Variants in RAB3GAP1 observed in about 807,000 individuals in gnomAD.
RAB3GAP1 encodes RAB3 GTPase activating protein catalytic subunit 1.
Under a neutral mutation model 130.7 loss-of-function variants are expected in RAB3GAP1, and 86 were observed. The ratio of observed to expected loss-of-function variants is 0.66; its 90% CI spans 0.55 to 0.79. The LOEUF is 0.79. Ranked by LOEUF, RAB3GAP1 falls within the 30% of genes least tolerant of loss-of-function variation. The pLI, the probability that RAB3GAP1 is intolerant of heterozygous loss-of-function variation, is 0.00. For synonymous variants in RAB3GAP1, 367 were observed against 401.7 expected (o/e 0.91, Z 1.03); for missense variants, 1,029 against 1,169.4 (o/e 0.88, Z 1.75).
intron 23 of RAB3GAP1, chr2:135,167,726 C>T (rs1354734992): frequency 2.7e-6 from 4 of 1,475,162 alleles, no homozygotes; most frequent in Non-Finnish European, 3.7e-6. Flanking sequence ...AACAAAATAG[C>T]CTTTGCCCCT....
chr2:135,154,500 C>T (rs1692257090), intron 19 of RAB3GAP1, among the ~76,000 whole-genome samples: 1 of 150,904 alleles, frequency 6.6e-6, no homozygotes, highest in Admixed American at 6.6e-5. Flanking sequence ...TTGCAATGAC[C>T]TTCAAATTAA....
intron 16 of RAB3GAP1, 43 bp from the exon 17 acceptor site, chr2:135,135,521 C>G (rs1278058119): frequency 1.3e-6 from 2 of 1,528,798 alleles, no homozygotes. Context: ...TTTTATTTTT[C>G]TGTAACTAAT....
chr2:135,167,571 C>T, intron 23 of RAB3GAP1: 1 of 787,306 alleles, frequency 1.3e-6, no homozygotes, highest in Non-Finnish European at 2.0e-6. Flanking sequence ...TTGATAGGAT[C>T]ATGTTCCATA....
At chr2:135,106,508 T>G (rs1690624742) in intron 5 of RAB3GAP1, among the ~76,000 whole-genome samples, 1 of 152,140 alleles carries the variant, frequency 6.6e-6, no homozygotes, top group Non-Finnish European at 1.5e-5. Flanking sequence ...TTAAATGGAT[T>G]AAGGGCGGTG....
intron 3 of RAB3GAP1, among the ~76,000 whole-genome samples, chr2:135,063,578 T>TTG (rs562153149): frequency 1.9e-3 from 287 of 152,240 alleles, no homozygotes; most frequent in African/African-American, 6.5e-3. Flanking sequence ...ATTTGTTTTT[T>TTG]TGTGTGTGTG....
chr2:135,070,623 T>G (rs1485648295), intron 3 of RAB3GAP1, among the ~76,000 whole-genome samples: 1 of 152,148 alleles, frequency 6.6e-6, no homozygotes, highest in East Asian at 1.9e-4. Flanking sequence ...TTCTCTTGCC[T>G]CAGTCTCCCG....
intron 17 of RAB3GAP1, among the ~76,000 whole-genome samples, chr2:135,144,553 A>G (rs530318567): frequency 5.3e-5 from 8 of 152,336 alleles, no homozygotes; most frequent in African/African-American, 1.4e-4. Context: ...GAGTTTCTCA[A>G]TCCAGTCTGT....
chr2:135,117,597 G>A (rs62170231), intron 7 of RAB3GAP1, among the ~76,000 whole-genome samples: 2 of 17,772 alleles, frequency 1.1e-4, no homozygotes, highest in South Asian at 1.8e-3. Context: ...TTCTTCTGCT[G>A]CTTCTTCTGC....
chr2:135,162,368 T>A, intron 19 of RAB3GAP1, 187 bp from the exon 20 acceptor site: 1 of 620,624 alleles, frequency 1.6e-6, no homozygotes, highest in South Asian at 1.9e-5. Context: ...TATTTATAAT[T>A]ATTAAAGATT....
rs730882182 is a variant in RAB3GAP1, at chr2:135,168,631, AC to A, written c.2801del (p.Pro934LeufsTer87). 2.2e-5 allele frequency: 36 copies of A among 1,613,776 alleles called. No homozygotes were observed. The highest frequency in any genetic ancestry group is 5.5e-5 in the South Asian group (5 of 91,068). On this transcript the variant is annotated frameshift_variant, in exon 24 of 24. Coordinates refer to ENST00000264158, the MANE Select transcript of RAB3GAP1 (RefSeq NM_012233.3). LOFTEE classifies it high-confidence loss of function. ...GGCAGAACTCCGTGTCAGACTTCCC[AC>A]CCCCTGCTGGCCGGGAATTCATTTT... Reference protein sequence around the residue: ...RRQNSVSDFPPPAGREFILRT... With the variant: ...RRQNSVSDFPXPAGREFILRT...
chr2:135,147,761 C>T (rs1692044754), intron 17 of RAB3GAP1, among the ~76,000 whole-genome samples: 1 of 151,932 alleles, frequency 6.6e-6, no homozygotes, highest in Non-Finnish European at 1.5e-5. Context: ...TATTGGCGCC[C>T]ACGACCATGC....
At chr2:135,159,494 T>A (rs558285139) in intron 19 of RAB3GAP1, among the ~76,000 whole-genome samples, 1 of 152,264 alleles carries the variant, frequency 6.6e-6, no homozygotes, top group Non-Finnish European at 1.5e-5. Context: ...AAACCATAAT[T>A]GAGGGAGTTT....
intron 17 of RAB3GAP1, among the ~76,000 whole-genome samples, chr2:135,148,491 CTTT>C (rs571757000): frequency 1.1e-3 from 114 of 108,098 alleles, no homozygotes; most frequent in African/African-American, 3.2e-3. Context: ...GCTAGTAATT[CTTT>C]TTTTTTTTTT....
At chr2:135,173,066 T>C (rs1257077136), downstream of RAB3GAP1, among the ~76,000 whole-genome samples, 2 of 152,118 alleles carry the variant, frequency 1.3e-5, no homozygotes, top group Non-Finnish European at 2.9e-5. Flanking sequence ...AGGAGGGACC[T>C]TGGGCCTGGA....
chr2:135,152,101 A>G (rs772622922), intron 18 of RAB3GAP1, among the ~76,000 whole-genome samples: 1 of 152,270 alleles, frequency 6.6e-6, no homozygotes, highest in Non-Finnish European at 1.5e-5. Flanking sequence ...GAAATCAGAT[A>G]ATACATTTAA....
chr2:135,121,034 G>T, intron 8 of RAB3GAP1, 116 bp downstream of exon 8: 2 of 828,992 alleles, frequency 2.4e-6, no homozygotes, highest in South Asian at 1.4e-5. Flanking sequence ...AAATATTTGT[G>T]ATTCATTTTA....
intron 7 of RAB3GAP1, among the ~76,000 whole-genome samples, chr2:135,117,806 T>C (rs1478208857): frequency 6.8e-6 from 1 of 147,852 alleles, no homozygotes; most frequent in African/African-American, 2.6e-5. Context: ...CTTCTTCTTC[T>C]TCTTTCTTCT....
chr2:135,100,073 G>C (rs1434519018), intron 5 of RAB3GAP1, among the ~76,000 whole-genome samples: 1 of 152,126 alleles, frequency 6.6e-6, no homozygotes, highest in Admixed American at 6.5e-5. Context: ...ATGAGACTGG[G>C]GCATTCTTGG....
intron 17 of RAB3GAP1, among the ~76,000 whole-genome samples, chr2:135,138,610 A>ATT (rs755626552): frequency 7.1e-6 from 1 of 141,820 alleles, no homozygotes; most frequent in South Asian, 2.2e-4. Flanking sequence ...GGTTTTATGG[A>ATT]TTTTTTTTTT....
Sources: allele counts gnomAD v4.1 joint callset (sites outside exome capture counted in the v4.1 genomes callset), GRCh38; gene constraint gnomAD v4.1.1; transcripts MANE v1.5; gene names NCBI Gene and HGNC (gene_info 2026-07-23, HGNC 2026-07-21).